CA5B: variants seen among roughly 807,000 people sequenced by gnomAD.
CA5B encodes carbonic anhydrase 5B.
In CA5B, 15 loss-of-function variants were observed where a neutral mutation model predicts 23.1. The ratio of observed to expected loss-of-function variants is 0.65; its 90% CI spans 0.43 to 1.00. CA5B has a LOEUF of 1.00. CA5B is among the 50% of genes least tolerant of loss of function. The pLI, the probability that CA5B is intolerant of heterozygous loss-of-function variation, is 0.00. For synonymous variants in CA5B, 84 were observed against 98.5 expected, an observed-to-expected ratio of 0.85 and a Z score of 0.87; for missense variants, 236 against 252.2, an observed-to-expected ratio of 0.94 and a Z score of 0.43.
At chrX:15,754,933 A>T (rs1204598615) in intron 2 of CA5B, among the ~76,000 whole-genome samples, 1 of 112,412 alleles carries the variant, frequency 8.9e-6, no homozygotes, top group Admixed American at 9.4e-5. Flanking sequence ...TTAAATTTTT[A>T]TAGCTACATA....
At chrX:15,780,250 C>T (rs949194900) in intron 7 of CA5B, among the ~76,000 whole-genome samples, 1 of 104,367 alleles carries the variant, frequency 9.6e-6, no homozygotes, top group Non-Finnish European at 2.0e-5. Flanking sequence ...CATTTTGCTG[C>T]TCTTTTCACT....
intron 7 of CA5B, among the ~76,000 whole-genome samples, chrX:15,777,793 AACAG>A (rs1931958464): frequency 8.9e-6 from 1 of 112,154 alleles, no homozygotes; most frequent in African/African-American, 3.2e-5. Flanking sequence ...TTTTTAATAA[AACAG>A]AGCTGAATAG....
Position 15,776,717 on chromosome X carries a change from G to A in CA5B, c.622G>A (p.Ala208Thr), listed in dbSNP as rs1329688924. 9 of 1,204,520 alleles carry A rather than the reference G, an allele frequency of 7.5e-6. No homozygotes were observed. The highest frequency in any genetic ancestry group is 1.0e-5 in the Non-Finnish European group (9 of 890,768). ...GGTTATCTCTTCTCTTGGCCAGGAC[G>A]CCCTTGTGGAATTTGGGTCATTTGA... ...DTLPSIKHKD[A>T]LVEFGSFDPS... The change falls in exon 7 of 8, where the codon GCC becomes ACC. Residue 208 changes from alanine (A) to threonine (T), a missense_variant. Transcript: ENST00000318636.
At chrX:15,774,720 G>A (rs778098699) in intron 5 of CA5B, among the ~76,000 whole-genome samples, 1 of 111,465 alleles carries the variant, frequency 9.0e-6, no homozygotes, top group South Asian at 3.8e-4. Flanking sequence ...TGTAATCCTA[G>A]CTACTCGGGA....
At chrX:15,740,561 T>C (rs1931098736) in intron 1 of CA5B, among the ~76,000 whole-genome samples, 1 of 112,405 alleles carries the variant, frequency 8.9e-6, no homozygotes, top group Admixed American at 9.4e-5. Context: ...TGCGCCTTCC[T>C]TGATTGCCTT....
At chrX:15,768,387 C>T (rs1931755603) in intron 3 of CA5B, among the ~76,000 whole-genome samples, 1 of 111,509 alleles carries the variant, frequency 9.0e-6, no homozygotes, top group African/African-American at 3.3e-5. Flanking sequence ...ATAATAGCTT[C>T]TTTTTAGATA....
At chrX:15,774,018 G>C (rs1304893302) in intron 4 of CA5B, among the ~76,000 whole-genome samples, 1 of 112,443 alleles carries the variant, frequency 8.9e-6, no homozygotes, top group Non-Finnish European at 1.9e-5. Flanking sequence ...GATGGGACTG[G>C]ACAAATGTTG....
chrX:15,742,213 C>T, intron 1 of CA5B, among the ~76,000 whole-genome samples: 1 of 112,540 alleles, frequency 8.9e-6, no homozygotes, highest in Non-Finnish European at 1.9e-5. Flanking sequence ...CCACTTCTTA[C>T]CACCTCCACT....
chrX:15,776,863 T>C lies in CA5B; in HGVS notation c.768T>C (p.His256=). The C allele has an allele frequency of 8.3e-7, 1 of 1,202,909 alleles. No homozygotes were observed. Among genetic ancestry groups the C allele is most frequent in the Non-Finnish European group, 1.1e-6 (1 of 889,142 alleles). The part of the protein sequence containing the change: ...IIKKQPVEVD[H]DQLEQFRTLL... ...AGAAGCAACCAGTAGAGGTTGATCA[T>C]GATCAGGTATGTTCTCTCCATAATT... Residue 256 remains histidine, a synonymous_variant, in exon 7 of 8, where the codon CAT becomes CAC. Coordinates refer to ENST00000318636, the MANE Select transcript of CA5B (RefSeq NM_007220.4).
Position 15,776,816 on chromosome X carries a change from G to C in CA5B, c.721G>C (p.Glu241Gln). ...GTCTCTGACTACCCCACCCCTCTCC[G>C]AGTCTGTCACCTGGATCATTAAGAA... ...SGSLTTPPLS[E>Q]SVTWIIKKQP... is the part of the protein sequence containing the mutation. Residue 241 changes from glutamate to glutamine, a missense_variant, in exon 7 of 8, where the codon GAG (glutamate) becomes CAG (glutamine). By Grantham distance (29) the Glu-to-Gln change is conservative. Transcript: ENST00000318636. 4.1e-6 allele frequency: 5 copies of C among 1,209,345 alleles called. No individual in the cohort carries two copies. Among genetic ancestry groups the C allele is most frequent in the Non-Finnish European group, 5.6e-6 (5 of 893,519 alleles).
chrX:15,782,195 A>G (rs1170180653), intron 7 of CA5B, among the ~76,000 whole-genome samples: 1 of 111,936 alleles, frequency 8.9e-6, no homozygotes, highest in Non-Finnish European at 1.9e-5. Context: ...TGGTAAATGG[A>G]TAATATGTGG....
chrX:15,781,265 C>A (rs1932018807), intron 7 of CA5B, among the ~76,000 whole-genome samples: 1 of 111,236 alleles, frequency 9.0e-6, no homozygotes, highest in South Asian at 3.8e-4. Context: ...ATGTAGGCCA[C>A]CACGCCCGGC....
At chrX:15,745,108 G>T (rs1334655651) in intron 1 of CA5B, among the ~76,000 whole-genome samples, 1 of 103,484 alleles carries the variant, frequency 9.7e-6, no homozygotes, top group East Asian at 3.0e-4. Context: ...GGCGGAGGTT[G>T]CAGTGAGCCG....
intron 3 of CA5B, among the ~76,000 whole-genome samples, chrX:15,769,051 G>A (rs867321677): frequency 2.7e-5 from 3 of 111,167 alleles, no homozygotes; most frequent in East Asian, 2.8e-4. Context: ...TCAGCTTTCC[G>A]CCTTAAGAAA....
intron 2 of CA5B, among the ~76,000 whole-genome samples, chrX:15,762,521 A>C (rs1931625074): frequency 9.3e-6 from 1 of 107,942 alleles, no homozygotes; most frequent in Non-Finnish European, 1.9e-5. Context: ...GGCTCACTAC[A>C]ATCGCCATCT....
chrX:15,743,713 A>G (rs755056517), intron 1 of CA5B, among the ~76,000 whole-genome samples: 52 of 111,102 alleles, frequency 4.7e-4, no homozygotes, highest in Non-Finnish European at 9.2e-4. Context: ...TTGGAAGTTC[A>G]TATTCCCCAA....
chrX:15,754,477 G>C (rs964463423), intron 2 of CA5B, among the ~76,000 whole-genome samples: 2 of 112,598 alleles, frequency 1.8e-5, no homozygotes, highest in Non-Finnish European at 3.7e-5. Context: ...TCATATCTTT[G>C]AATCTTTGGC....
At chrX:15,766,712 C>T (rs181257276) in intron 3 of CA5B, among the ~76,000 whole-genome samples, 1 of 111,383 alleles carries the variant, frequency 9.0e-6, no homozygotes, top group Non-Finnish European at 1.9e-5. Context: ...CCATCTGGGT[C>T]TGTTGGTGGA....
At chrX:15,773,430 G>A (rs1931859133) in intron 4 of CA5B, among the ~76,000 whole-genome samples, 1 of 68,897 alleles carries the variant, frequency 1.5e-5, no homozygotes, top group Non-Finnish European at 2.6e-5. Context: ...TTTTTTTTGG[G>A]ACAGAGTTTT....
Sources: gnomAD v4.1 joint callset for allele counts (sites outside exome capture counted in the v4.1 genomes callset) on GRCh38, gnomAD v4.1.1 for gene constraint, MANE v1.5 for transcripts, NCBI Gene and HGNC (gene_info 2026-07-23, HGNC 2026-07-21) for gene names.